Variants in ANK3 observed in about 807,000 individuals in gnomAD.
The protein encoded by ANK3 is ankyrin 3, also known as ankyrin-3.
ANK3 carries 57 observed loss-of-function variants against 370.9 expected under a neutral mutation model. That is an observed-to-expected ratio of 0.15 (90% CI 0.12 to 0.19). The LOEUF (loss-of-function observed/expected upper bound fraction) is 0.19. ANK3 is among the 10% of genes least tolerant of loss of function. The probability of loss-of-function intolerance (pLI) is 1.00; values close to 1 mark genes in which losing one functional copy is unlikely to be tolerated. For missense variants in ANK3, 4,439 were observed against 5,302.1 expected (o/e 0.84, Z 5.06); for synonymous variants, 1,929 against 1,946.3 (o/e 0.99, Z 0.23).
intron 23 of ANK3, among the ~76,000 whole-genome samples, chr10:60,149,012 A>G (rs2094958276): frequency 1.3e-5 from 2 of 152,204 alleles, no homozygotes; most frequent in African/African-American, 4.8e-5. Flanking sequence ...GTTCCCAGGT[A>G]TAAAGAAGTA....
At chr10:60,480,438 G>A (rs1282027651) in intron 2 of ANK3, among the ~76,000 whole-genome samples, 2 of 152,064 alleles carry the variant, frequency 1.3e-5, no homozygotes, top group Non-Finnish European at 2.9e-5. Flanking sequence ...CCAGAGATCT[G>A]GGAACATTCA....
intron 28 of ANK3, among the ~76,000 whole-genome samples, chr10:60,097,938 G>A (rs2090466115): frequency 6.6e-6 from 1 of 152,174 alleles, no homozygotes; most frequent in African/African-American, 2.4e-5. Flanking sequence ...TTGATATTGA[G>A]AGGTGAAAAA....
intron 23 of ANK3, chr10:60,140,201 G>A: frequency 1.2e-6 from 1 of 803,016 alleles, no homozygotes; most frequent in South Asian, 1.7e-5. Context: ...TACTGTTTTT[G>A]CAAATGTAAA....
chr10:60,688,481 T>G (rs1035750538), intron 1 of ANK3, among the ~76,000 whole-genome samples: 7 of 152,234 alleles, frequency 4.6e-5, no homozygotes, highest in African/African-American at 1.7e-4. Flanking sequence ...TTGTTGAGGA[T>G]AGATCTCATG....
chr10:60,480,075 CT>C lies in ANK3; in HGVS notation c.96+135110del, dbSNP rs549000563. On this transcript the variant is annotated intron_variant, in intron 2 of 43. Coordinates refer to the ANK3 transcript ENST00000373827. ...CAGGAAATGTGGCCACTTATGACCC[CT>C]GACACAGCAGTGTTGATTAGATGAG... Among the ~76,000 whole-genome samples, 717 of 152,220 alleles carry C rather than the reference CT, an allele frequency of 4.7e-3. 14 individuals are homozygous for C. The highest frequency in any genetic ancestry group is 0.013 in the East Asian group (68 of 5,170).
intron 23 of ANK3, among the ~76,000 whole-genome samples, chr10:60,153,344 T>C (rs1201154852): frequency 6.6e-6 from 1 of 152,074 alleles, no homozygotes; most frequent in Non-Finnish European, 1.5e-5. Flanking sequence ...GTATTCCATG[T>C]GAGAGATGTG....
chr10:60,721,424 T>G (rs757784029), intron 1 of ANK3, among the ~76,000 whole-genome samples: 1 of 152,172 alleles, frequency 6.6e-6, no homozygotes. Context: ...TTCACAAAAA[T>G]AAAGAGTAAA....
At position 60,684,031 on chromosome 10, in the gene ANK3, G is replaced by T. The variant is rs189953453; in HGVS notation, c.57+49232C>A. ...ATGTGCCCTTAATTTTTGTTTATGT[G>T]TTTGTTTAGTCAATGTGAACCAAAA... On this transcript the variant is annotated intron_variant, in intron 1 of 43. Transcript: ENST00000373827. Among the ~76,000 whole-genome samples, 151 of 152,268 alleles carry T rather than the reference G, an allele frequency of 9.9e-4. 1 individual carries two copies. The highest frequency in any genetic ancestry group is 6.8e-3 in the Middle Eastern group (2 of 294).
intron 38 of ANK3, 33 bp from the exon 39 acceptor site, chr10:60,064,321 A>G: frequency 6.5e-7 from 1 of 1,544,178 alleles, no homozygotes; most frequent in Non-Finnish European, 8.6e-7. Context: ...CTAAGATTGC[A>G]TATTCTACTT....
In ANK3 at chr10:60,305,895, C is replaced by T. The variant is rs151246669; in HGVS notation, c.115-26256G>A. On this transcript the variant is annotated intron_variant, in intron 1 of 43. Transcript: ENST00000280772. Reference sequence around the variant, plus strand: ...ACTCTGGTGGATGGACTGAAAGTGCCGCTTTCACAGTCGGATATGGCGTTA... The same window carrying T: ...ACTCTGGTGGATGGACTGAAAGTGCTGCTTTCACAGTCGGATATGGCGTTA... Among the ~76,000 whole-genome samples the T allele has an allele frequency of 7.6e-3, 1,161 of 152,228 alleles. 19 individuals carry two copies. The highest frequency in any genetic ancestry group is 0.027 in the African/African-American group (1,116 of 41,538).
intron 11 of ANK3, among the ~76,000 whole-genome samples, chr10:60,205,405 C>T (rs1287933360): frequency 6.6e-6 from 1 of 152,120 alleles, no homozygotes; most frequent in Non-Finnish European, 1.5e-5. Flanking sequence ...CACTAGAGAC[C>T]AGTAGTACTA....
intron 1 of ANK3, among the ~76,000 whole-genome samples, chr10:60,722,710 T>C (rs1589078465): frequency 1.3e-5 from 2 of 152,288 alleles, no homozygotes; most frequent in South Asian, 2.1e-4. Context: ...AGATCCCTCA[T>C]GAAGGCCTAA....
intron 18 of ANK3, among the ~76,000 whole-genome samples, chr10:60,176,478 C>G (rs899665599): frequency 3.9e-5 from 6 of 152,024 alleles, no homozygotes; most frequent in African/African-American, 1.2e-4. Context: ...TTTTGCTAAC[C>G]AGGCCAGGCA....
chr10:60,522,268 C>A (rs900971675), intron 2 of ANK3, among the ~76,000 whole-genome samples: 5 of 151,840 alleles, frequency 3.3e-5, no homozygotes, highest in African/African-American at 1.2e-4. Context: ...TCAATGCTCA[C>A]GCTGGGGTTG....
chr10:60,131,691 T>C (rs1489507526), intron 25 of ANK3, among the ~76,000 whole-genome samples: 1 of 152,154 alleles, frequency 6.6e-6, no homozygotes, highest in Non-Finnish European at 1.5e-5. Context: ...CAGAAGCCAT[T>C]TTATAGCACC....
rs952892142 is a variant in ANK3, at chr10:60,346,652, T to C, written c.114+42773A>G. 2.0e-5 allele frequency among the ~76,000 whole-genome samples: 3 copies of C among 152,102 alleles called. No individual in the cohort carries two copies. In the South Asian group the frequency reaches 6.2e-4, roughly 31 times the overall value. On this transcript the variant is annotated intron_variant, in intron 1 of 43. Transcript: ENST00000280772. ...ATGGGGGCAATTCAGCAATTACTGT[T>C]GATGTTTTACATGTACATACATAAC... is the stretch of plus-strand genomic sequence containing the variant.
At chr10:60,696,234 G>A (rs1476651733) in intron 1 of ANK3, among the ~76,000 whole-genome samples, 398 of 142,896 alleles carry the variant, frequency 2.8e-3, no homozygotes, top group Middle Eastern at 0.015. Flanking sequence ...GACCAATAAC[G>A]GGCTCTGAAA....
At position 60,534,366 on chromosome 10, in the gene ANK3, A is replaced by G. The variant is rs115360280; in HGVS notation, c.96+80820T>C. 6.3e-3 allele frequency among the ~76,000 whole-genome samples: 964 copies of G among 152,190 alleles called. 13 individuals carry two copies. Among genetic ancestry groups the G allele is most frequent in the African/African-American group, 0.022 (897 of 41,532 alleles). ...TCATGTCTCAGCAGAATTGCAAATT[A>G]CTCTGGATCACTTGGGAAACACTGA... On this transcript the variant is annotated intron_variant, in intron 2 of 43. Coordinates refer to the ANK3 transcript ENST00000373827.
intron 1 of ANK3, among the ~76,000 whole-genome samples, chr10:60,324,021 A>T (rs2049242329): frequency 6.6e-6 from 1 of 152,178 alleles, no homozygotes; most frequent in Non-Finnish European, 1.5e-5. Context: ...GGAAGCAATG[A>T]ATGTGAGCAA....
Sources: gnomAD v4.1 joint callset for allele counts (sites outside exome capture counted in the v4.1 genomes callset) on GRCh38, gnomAD v4.1.1 for gene constraint, MANE v1.5 for transcripts, NCBI Gene and HGNC (gene_info 2026-07-23, HGNC 2026-07-21) for gene names.